The following KCTD8 variants were observed in gnomAD, a reference collection of about 807,000 sequenced individuals.
KCTD8 encodes the protein BTB/POZ domain-containing protein KCTD8.
KCTD8 carries 27 observed loss-of-function variants against 31.5 expected under a neutral mutation model. That is an observed-to-expected ratio of 0.86 (90% CI 0.63 to 1.18). KCTD8 has a LOEUF of 1.18. Among genes scored for constraint, KCTD8 ranks in the 50% most tolerant of loss-of-function variants. The pLI is 0.00. For missense variants in KCTD8, 658 were observed against 647.7 expected (o/e 1.02, Z -0.17); for synonymous variants, 290 against 280.0 (o/e 1.04, Z -0.36).
chr4:44,410,224 A>G (rs1720921018), intron 1 of KCTD8, among the ~76,000 whole-genome samples: 1 of 152,186 alleles, frequency 6.6e-6, no homozygotes, highest in Admixed American at 6.5e-5. Context: ...TTATACAGAA[A>G]TTGCCTTCAA....
intron 1 of KCTD8, among the ~76,000 whole-genome samples, chr4:44,259,050 A>C (rs921768376): frequency 6.6e-6 from 1 of 151,934 alleles, no homozygotes; most frequent in South Asian, 2.1e-4. Flanking sequence ...TAATTTCCAC[A>C]ATTAATTAAC....
intron 1 of KCTD8, among the ~76,000 whole-genome samples, chr4:44,386,557 C>T (rs968128047): frequency 6.7e-6 from 1 of 149,968 alleles, no homozygotes; most frequent in Non-Finnish European, 1.5e-5. Context: ...GATATCATCT[C>T]ATGCCCGTTA....
chr4:44,347,338 C>T (rs188487622), intron 1 of KCTD8, among the ~76,000 whole-genome samples: 1 of 152,094 alleles, frequency 6.6e-6, no homozygotes, highest in Non-Finnish European at 1.5e-5. Context: ...GGCAGTTCTT[C>T]AATATTACCA....
chr4:44,371,572 G>A (rs1055255223), intron 1 of KCTD8, among the ~76,000 whole-genome samples: 3 of 152,162 alleles, frequency 2.0e-5, no homozygotes, highest in African/African-American at 7.2e-5. Context: ...GAAAGCATTG[G>A]AGGCTATTCC....
intron 1 of KCTD8, among the ~76,000 whole-genome samples, chr4:44,339,689 A>C (rs946713530): frequency 6.6e-6 from 1 of 152,182 alleles, no homozygotes; most frequent in Non-Finnish European, 1.5e-5. Context: ...ACCAGCTTAA[A>C]ATAATAGTAA....
At chr4:44,375,493 CT>C (rs1332506401) in intron 1 of KCTD8, among the ~76,000 whole-genome samples, 1 of 152,116 alleles carries the variant, frequency 6.6e-6, no homozygotes, top group East Asian at 1.9e-4. Context: ...TGAGATGTCT[CT>C]GTTCCTGGTT....
At chr4:44,318,010 C>T (rs930877471) in intron 1 of KCTD8, among the ~76,000 whole-genome samples, 4 of 152,198 alleles carry the variant, frequency 2.6e-5, no homozygotes, top group Admixed American at 1.3e-4. Context: ...GGTTGATTTA[C>T]ACTGGTCTTT....
At chr4:44,252,110 G>A (rs1432633218) in intron 1 of KCTD8, among the ~76,000 whole-genome samples, 1 of 151,730 alleles carries the variant, frequency 6.6e-6, no homozygotes, top group African/African-American at 2.4e-5. Context: ...AACATACAAT[G>A]TTTGGATTTC....
chr4:44,225,764 T>A (rs1026507306), intron 1 of KCTD8, among the ~76,000 whole-genome samples: 3 of 151,618 alleles, frequency 2.0e-5, no homozygotes, highest in Admixed American at 2.0e-4. Flanking sequence ...TACATATACG[T>A]GTGCCATGGT....
intron 1 of KCTD8, among the ~76,000 whole-genome samples, chr4:44,182,072 A>G (rs1735916325): frequency 1.3e-5 from 2 of 148,366 alleles, no homozygotes; most frequent in African/African-American, 5.0e-5. Flanking sequence ...ACCCCGTCTG[A>G]GAAGTGAGGA....
At chr4:44,342,054 G>T (rs1275062216) in intron 1 of KCTD8, among the ~76,000 whole-genome samples, 1 of 152,120 alleles carries the variant, frequency 6.6e-6, no homozygotes, top group African/African-American at 2.4e-5. Context: ...GTGACCAAGT[G>T]CATTTTCAGT....
chr4:44,221,098 A>C (rs1469184370), intron 1 of KCTD8, among the ~76,000 whole-genome samples: 1 of 152,172 alleles, frequency 6.6e-6, no homozygotes, highest in Non-Finnish European at 1.5e-5. Context: ...TCTACTAAAC[A>C]ATCAACAGGC....
intron 1 of KCTD8, among the ~76,000 whole-genome samples, chr4:44,407,472 C>A (rs1490483976): frequency 6.6e-6 from 1 of 151,630 alleles, no homozygotes; most frequent in Non-Finnish European, 1.5e-5. Context: ...CCGCAACCTC[C>A]ACCTCCCAGG....
At chr4:44,229,845 T>G (rs1715071642) in intron 1 of KCTD8, among the ~76,000 whole-genome samples, 1 of 152,066 alleles carries the variant, frequency 6.6e-6, no homozygotes, top group Non-Finnish European at 1.5e-5. Flanking sequence ...TTTTTTATTA[T>G]ACTTTAATTT....
chr4:44,174,951 G>A lies in KCTD8; in HGVS notation c.1261C>T (p.Arg421Trp), dbSNP rs776083231. The change falls in exon 2 of 2, where the codon CGG (arginine) becomes TGG (tryptophan). Residue 421 changes from arginine (R) to tryptophan (W), a missense_variant. By Grantham distance (101) the Arg-to-Trp change is moderately radical (BLOSUM62 -3). Coordinates refer to ENST00000360029, the MANE Select transcript of KCTD8 (RefSeq NM_198353.3). ...TTCTTTTTGGACAGATTTGTTTCCC[G>A]GGACTTGCTGATGAGGGTCTGAAAG... ...ELFQTLISKS[R>W]ETNLSKKKVC... 14 of 1,613,842 alleles carry A rather than the reference G, an allele frequency of 8.7e-6. No individual in the cohort carries two copies. Among genetic ancestry groups the A allele is most frequent in the Non-Finnish European group, 1.1e-5 (13 of 1,179,964 alleles).
chr4:44,223,054 A>G (rs1162152492), intron 1 of KCTD8, among the ~76,000 whole-genome samples: 1 of 152,232 alleles, frequency 6.6e-6, no homozygotes, highest in Non-Finnish European at 1.5e-5. Context: ...CAAGAAGGGC[A>G]ATATTGGAAG....
At chr4:44,217,850 C>G (rs985247081) in intron 1 of KCTD8, among the ~76,000 whole-genome samples, 5 of 152,076 alleles carry the variant, frequency 3.3e-5, no homozygotes, top group Non-Finnish European at 7.4e-5. Context: ...TGGCCACAGA[C>G]TGAAATCTGC....
intron 1 of KCTD8, among the ~76,000 whole-genome samples, chr4:44,364,803 A>G (rs1719587783): frequency 6.6e-6 from 1 of 152,132 alleles, no homozygotes; most frequent in Non-Finnish European, 1.5e-5. Flanking sequence ...GCCAGTATAA[A>G]AAGGCTACAT....
At chr4:44,284,216 C>A (rs79831162) in intron 1 of KCTD8, among the ~76,000 whole-genome samples, 4,477 of 152,230 alleles carry the variant, frequency 0.029, 238 homozygotes, top group African/African-American at 0.1. Context: ...ATCATGTTAC[C>A]TGACTTCAAA....
Sources: gnomAD v4.1 joint callset for allele counts (sites outside exome capture counted in the v4.1 genomes callset) on GRCh38, gnomAD v4.1.1 for gene constraint, MANE v1.5 for transcripts, NCBI Gene and HGNC (gene_info 2026-07-23, HGNC 2026-07-21) for gene names.